Variants in CCNY observed in about 807,000 individuals in gnomAD.
CCNY encodes cyclin Y.
CCNY carries 19 observed loss-of-function variants against 42.8 expected under a neutral mutation model. That is an observed-to-expected ratio of 0.44 (90% confidence interval 0.31 to 0.65). The LOEUF (loss-of-function observed/expected upper bound fraction) is 0.65, where lower values mean the gene tolerates loss of function less well. CCNY is among the 30% of genes least tolerant of loss of function. CCNY has a pLI of 0.07. For synonymous variants in CCNY, 165 were observed against 162.7 expected, an observed-to-expected ratio of 1.01 and a Z score of -0.11; for missense variants, 370 against 437.3, an observed-to-expected ratio of 0.85 and a Z score of 1.37.
chr10:35,473,831 C>T (rs1589143783), intron 1 of CCNY, among the ~76,000 whole-genome samples: 2 of 152,124 alleles, frequency 1.3e-5, no homozygotes, highest in Admixed American at 1.3e-4. Context: ...GTCTACAGCT[C>T]CCAGCCTGAG....
chr10:35,395,834 A>G (rs1250221189), intron 1 of CCNY, among the ~76,000 whole-genome samples: 1 of 152,060 alleles, frequency 6.6e-6, no homozygotes, highest in Non-Finnish European at 1.5e-5. Context: ...TCCTGGGTGC[A>G]TCTCTGAGGC....
chr10:35,335,845 G>C (rs1359398081), upstream of CCNY: 1 of 147,810 alleles, frequency 6.8e-6, no homozygotes, highest in Non-Finnish European at 1.5e-5. Context: ...TGTAGTCCTC[G>C]CTACTTTGGA....
intron 3 of CCNY, among the ~76,000 whole-genome samples, chr10:35,327,445 C>A (rs1315157470): frequency 2.6e-5 from 4 of 152,068 alleles, no homozygotes; most frequent in African/African-American, 9.7e-5. Flanking sequence ...AATTAAATGG[C>A]AATTTTTAGC....
At chr10:35,552,657 C>T (rs775711012) in intron 7 of CCNY, among the ~76,000 whole-genome samples, 2 of 152,126 alleles carry the variant, frequency 1.3e-5, no homozygotes, top group Admixed American at 6.5e-5. Flanking sequence ...TTAAAAAACC[C>T]TACAAACAAA....
rs1476519491 is a variant in CCNY, at chr10:35,270,713, A to C, written c.-9+20087A>C. The stretch of plus-strand genomic sequence containing the variant: ...CTTTTCGCAATTCTTAGACATGGTC[A>C]GTTCTTTTTTTTTTCTTTTTTTTTT... On this transcript the variant is annotated intron_variant, in intron 3 of 11. Transcript: ENST00000374706. 3.5e-5 allele frequency among the ~76,000 whole-genome samples: 5 copies of C among 143,890 alleles called. No homozygotes were observed. In the Admixed American group the frequency reaches 3.6e-4, roughly 10 times the overall value. The allele number at this position is 143,890 out of a possible 152,430, so 94.4% of individuals were successfully genotyped here. A position where few individuals can be genotyped will look rare whatever the true frequency, so the allele number is the denominator to read the frequency against.
At chr10:35,428,841 T>C (rs1404082093) in intron 1 of CCNY, among the ~76,000 whole-genome samples, 1 of 152,124 alleles carries the variant, frequency 6.6e-6, no homozygotes, top group Non-Finnish European at 1.5e-5. Flanking sequence ...GATGGTTGCA[T>C]GCACTGCAGG....
intron 1 of CCNY, among the ~76,000 whole-genome samples, chr10:35,339,594 A>C (rs1457385587): frequency 6.6e-6 from 1 of 152,182 alleles, no homozygotes; most frequent in Non-Finnish European, 1.5e-5. Context: ...CAAATACCAT[A>C]TTTTTTATGT....
intron 1 of CCNY, among the ~76,000 whole-genome samples, chr10:35,445,897 T>C (rs1006344949): frequency 2.6e-5 from 4 of 152,262 alleles, no homozygotes; most frequent in Non-Finnish European, 5.9e-5. Flanking sequence ...TACTACTTTT[T>C]TTTCTGAACC....
At chr10:35,495,797 G>A (rs915281999) in intron 2 of CCNY, among the ~76,000 whole-genome samples, 35 of 152,178 alleles carry the variant, frequency 2.3e-4, no homozygotes, top group African/African-American at 8.0e-4. Context: ...GGCCGTTTGT[G>A]TTCATGACGA....
intron 1 of CCNY, among the ~76,000 whole-genome samples, chr10:35,338,422 C>T (rs924176565): frequency 2.6e-5 from 4 of 152,152 alleles, no homozygotes; most frequent in African/African-American, 9.7e-5. Flanking sequence ...ATTATGGTTC[C>T]ATATGACGTG....
At chr10:35,492,683 T>G (rs1322354154) in intron 2 of CCNY, among the ~76,000 whole-genome samples, 1 of 152,198 alleles carries the variant, frequency 6.6e-6, no homozygotes, top group Non-Finnish European at 1.5e-5. Context: ...TAGAAGAAAC[T>G]CACAAGCATA....
intron 1 of CCNY, among the ~76,000 whole-genome samples, chr10:35,374,275 T>A (rs990488593): frequency 4.6e-5 from 7 of 152,222 alleles, no homozygotes; most frequent in South Asian, 4.1e-4. Context: ...TAATTTTTTT[T>A]ATTAATTTTT....
At chr10:35,273,688 G>A (rs1229586641) in intron 3 of CCNY, among the ~76,000 whole-genome samples, 10 of 150,870 alleles carry the variant, frequency 6.6e-5, no homozygotes, top group Non-Finnish European at 1.5e-4. Flanking sequence ...TTGATGTCCT[G>A]TGGTCAGACA....
intron 1 of CCNY, among the ~76,000 whole-genome samples, chr10:35,392,187 A>G (rs1837428358): frequency 6.6e-6 from 1 of 152,198 alleles, no homozygotes; most frequent in South Asian, 2.1e-4. Context: ...TCCATTTCAT[A>G]CTTAATATTC....
intron 1 of CCNY, among the ~76,000 whole-genome samples, chr10:35,476,282 A>T (rs1839507924): frequency 6.6e-6 from 1 of 152,146 alleles, no homozygotes; most frequent in Admixed American, 6.5e-5. Flanking sequence ...CACCAAGCAG[A>T]CCTAATAGAC....
intron 1 of CCNY, among the ~76,000 whole-genome samples, chr10:35,408,302 A>G (rs1364355502): frequency 2.6e-5 from 4 of 152,224 alleles, no homozygotes; most frequent in Admixed American, 2.0e-4. Flanking sequence ...AATGTCTCAC[A>G]TGTGCATGTG....
At position 35,495,938 on chromosome 10, in the gene CCNY, T is replaced by C. The variant is rs374592475; in HGVS notation, c.230-5563T>C. ...GAATTCACTGAATTATTGAAAACTG[T>C]AGGAACTGTGTGGTCATCTCAAATT... On this transcript the variant is annotated intron_variant, in intron 2 of 9. Transcript: ENST00000374704. Among the ~76,000 whole-genome samples the C allele has an allele frequency of 1.8e-4, 28 of 152,300 alleles. No homozygotes were observed. The East Asian group carries it at 2.1e-3, about 12-fold the overall frequency.
intron 3 of CCNY, among the ~76,000 whole-genome samples, chr10:35,261,249 T>TTC (rs2095719361): frequency 6.6e-6 from 1 of 150,576 alleles, no homozygotes; most frequent in Admixed American, 6.6e-5. Flanking sequence ...ATTTTTTTTT[T>TTC]TTTTTTTTGA....
chr10:35,362,041 G>T (rs181303368), intron 1 of CCNY, among the ~76,000 whole-genome samples: 9 of 152,232 alleles, frequency 5.9e-5, no homozygotes, highest in African/African-American at 2.2e-4. Flanking sequence ...TTACTTTCAG[G>T]TTATGTGTAT....
Sources: allele counts gnomAD v4.1 joint callset (sites outside exome capture counted in the v4.1 genomes callset), GRCh38; gene constraint gnomAD v4.1.1; transcripts MANE v1.5; gene names NCBI Gene and HGNC (gene_info 2026-07-23, HGNC 2026-07-21).